GATAD2A: variants seen among roughly 807,000 people sequenced by gnomAD.
GATAD2A encodes the protein transcriptional repressor p66-alpha.
Under a neutral mutation model 68.5 loss-of-function variants are expected in GATAD2A, and 12 were observed. The observed-to-expected ratio is 0.18, with a 90% confidence interval of 0.11 to 0.28. The LOEUF is 0.28. GATAD2A is among the 10% of genes least tolerant of loss of function. The probability of loss-of-function intolerance (pLI) is 1.00; values close to 1 mark genes in which losing one functional copy is unlikely to be tolerated. For synonymous variants in GATAD2A, 410 were observed against 375.3 expected (o/e 1.09, Z -1.07); for missense variants, 755 against 868.5 (o/e 0.87, Z 1.64).
At chr19:19,503,867 T>C (rs755071928) in intron 11 of GATAD2A, among the ~76,000 whole-genome samples, 1 of 152,140 alleles carries the variant, frequency 6.6e-6, no homozygotes, top group Non-Finnish European at 1.5e-5. Flanking sequence ...CTAAGAACAT[T>C]TGACCTGGGA....
intron 1 of GATAD2A, among the ~76,000 whole-genome samples, chr19:19,453,974 T>G (rs995619318): frequency 7.9e-5 from 9 of 113,946 alleles, no homozygotes; most frequent in East Asian, 7.1e-4. Flanking sequence ...ATTTTTTGTG[T>G]TTTTTTTTTT....
chr19:19,430,922 C>T (rs1219604540), intron 1 of GATAD2A, among the ~76,000 whole-genome samples: 3 of 151,702 alleles, frequency 2.0e-5, no homozygotes, highest in African/African-American at 7.3e-5. Context: ...CTCACCAAGG[C>T]TGATCTTCCC....
rs1253799131 is a variant in GATAD2A at position 19,498,730 on chromosome 19, G to A, written c.1204+8G>A. ...ACCTACTGGAGACACAAGGTGAGTG[G>A]CCTGGACCCAGCCGGGCTGCTTCCG... On this transcript the variant is annotated splice_region_variant and intron_variant, in intron 8 of 11. Transcript: ENST00000683918. The A allele has an allele frequency of 6.3e-7, 1 of 1,598,178 alleles. No individual in the cohort carries two copies. Among genetic ancestry groups the A allele is most frequent in the Non-Finnish European group, 8.6e-7 (1 of 1,168,928 alleles).
At position 19,496,094 on chromosome 19, in the gene GATAD2A, C is replaced by T; in HGVS notation, c.799C>T (p.Pro267Ser). 1.2e-6 allele frequency: 2 copies of T among 1,613,756 alleles called. No individual in the cohort carries two copies. The highest frequency in any genetic ancestry group is 1.7e-6 in the Non-Finnish European group (2 of 1,179,812). ...GCAACATTCCAGCACAGGGCCACCG[C>T]CCCTCCTCCTGGCCCCCCGGGCGTC... The part of the protein sequence containing the change: ...IRQHSSTGPP[P>S]LLLAPRASVP... The change falls in exon 7 of 12, where the codon CCC becomes TCC. Residue 267 changes from proline to serine, a missense_variant. Pro to Ser is a moderately conservative substitution (Grantham distance 74). Coordinates refer to ENST00000683918, the MANE Select transcript of GATAD2A (RefSeq NM_001384528.1).
At chr19:19,454,728 G>GCCCCCCCCCCCC (rs60087917) in intron 1 of GATAD2A, among the ~76,000 whole-genome samples, 5 of 121,616 alleles carry the variant, frequency 4.1e-5, no homozygotes, top group Non-Finnish European at 6.8e-5. Flanking sequence ...GAGCCACTGT[G>GCCCCCCCCCCCC]CCCCCCCCCA....
intron 2 of GATAD2A, among the ~76,000 whole-genome samples, chr19:19,486,895 A>G (rs539213643): frequency 6.6e-6 from 1 of 152,316 alleles, no homozygotes; most frequent in East Asian, 1.9e-4. Context: ...TGTCACTTGC[A>G]AGAGGCAGAA....
intron 1 of GATAD2A, among the ~76,000 whole-genome samples, chr19:19,417,118 C>T (rs1335681676): frequency 6.6e-6 from 1 of 152,194 alleles, no homozygotes; most frequent in Non-Finnish European, 1.5e-5. Context: ...GCTGCTTCGG[C>T]AGATACCCTG....
chr19:19,449,695 C>G (rs2056160996), intron 1 of GATAD2A, among the ~76,000 whole-genome samples: 1 of 151,946 alleles, frequency 6.6e-6, no homozygotes, highest in Non-Finnish European at 1.5e-5. Flanking sequence ...CCTCGGGAGG[C>G]TAAGGTGGGA....
chr19:19,428,192 C>T (rs1272710922), intron 1 of GATAD2A, among the ~76,000 whole-genome samples: 1 of 152,204 alleles, frequency 6.6e-6, no homozygotes, highest in Non-Finnish European at 1.5e-5. Context: ...AAATACTAAA[C>T]ACTTAAATGT....
At chr19:19,489,917 G>A (rs1448421450) in intron 2 of GATAD2A, among the ~76,000 whole-genome samples, 1 of 152,202 alleles carries the variant, frequency 6.6e-6, no homozygotes, top group Non-Finnish European at 1.5e-5. Context: ...CTGCCTCTGA[G>A]GTGCTCAGTG....
At chr19:19,498,947 G>C (rs1177863375) in intron 8 of GATAD2A, among the ~76,000 whole-genome samples, 1 of 152,240 alleles carries the variant, frequency 6.6e-6, no homozygotes, top group Non-Finnish European at 1.5e-5. Flanking sequence ...GGTCCAGGGG[G>C]ACGGGCAGTA....
intron 1 of GATAD2A, among the ~76,000 whole-genome samples, chr19:19,457,870 G>A (rs1405873599): frequency 6.6e-6 from 1 of 152,140 alleles, no homozygotes; most frequent in Non-Finnish European, 1.5e-5. Flanking sequence ...CCAGACTTCA[G>A]TTGTGCCTGT....
intron 1 of GATAD2A, among the ~76,000 whole-genome samples, chr19:19,430,976 G>GT (rs1555699848): frequency 3.7e-5 from 5 of 136,778 alleles, no homozygotes; most frequent in South Asian, 2.3e-4. Context: ...GTATGGTAGG[G>GT]GTGTGTGTGT....
At chr19:19,502,102 C>G in intron 10 of GATAD2A, 59 bp downstream of exon 10, 1 of 1,251,034 alleles carries the variant, frequency 8.0e-7, no homozygotes, top group Non-Finnish European at 1.2e-6. Context: ...GTGACCACGT[C>G]AGTCGCCGAC....
chr19:19,466,015 A>G (rs2057837749), intron 2 of GATAD2A, among the ~76,000 whole-genome samples: 1 of 152,094 alleles, frequency 6.6e-6, no homozygotes. Context: ...TGCTACACCT[A>G]CCTTGGTCAC....
intron 1 of GATAD2A, among the ~76,000 whole-genome samples, chr19:19,458,879 G>A (rs1414961619): frequency 6.6e-6 from 1 of 152,186 alleles, no homozygotes; most frequent in Non-Finnish European, 1.5e-5. Context: ...TATTGGAGGA[G>A]CCAGCTTCCC....
At chr19:19,470,422 CTG>C (rs1282348359) in intron 2 of GATAD2A, among the ~76,000 whole-genome samples, 2 of 152,198 alleles carry the variant, frequency 1.3e-5, no homozygotes, top group East Asian at 3.8e-4. Flanking sequence ...GCGTGAGCCA[CTG>C]TGCCCAGCTG....
intron 2 of GATAD2A, among the ~76,000 whole-genome samples, chr19:19,487,289 A>G (rs948481767): frequency 2.0e-5 from 3 of 152,202 alleles, no homozygotes; most frequent in Non-Finnish European, 4.4e-5. Flanking sequence ...GAGTGGGGCC[A>G]TAGGTCCCTG....
intron 1 of GATAD2A, among the ~76,000 whole-genome samples, chr19:19,420,102 C>T (rs2052177731): frequency 6.8e-6 from 1 of 147,182 alleles, no homozygotes; most frequent in Non-Finnish European, 1.5e-5. Flanking sequence ...CCTCTACTTC[C>T]CAGGTTCAAG....
Sources: gnomAD v4.1 joint callset for allele counts (sites outside exome capture counted in the v4.1 genomes callset) on GRCh38, gnomAD v4.1.1 for gene constraint, MANE v1.5 for transcripts, NCBI Gene and HGNC (gene_info 2026-07-23, HGNC 2026-07-21) for gene names.